Variants in TOX3 observed in about 807,000 individuals in gnomAD.
TOX3 encodes the protein CAG trinucleotide repeat-containing gene F9 protein.
In TOX3, 22 loss-of-function variants were observed where a neutral mutation model predicts 64.3. The ratio of observed to expected loss-of-function variants is 0.34; its 90% CI spans 0.24 to 0.49. TOX3 has a LOEUF of 0.49. TOX3 is among the 20% of genes least tolerant of loss of function. The pLI, the probability that TOX3 is intolerant of heterozygous loss-of-function variation, is 0.99. For missense variants in TOX3, 661 were observed against 714.4 expected (o/e 0.93, Z 0.85); for synonymous variants, 291 against 273.6 (o/e 1.06, Z -0.63).
chr16:52,448,367 T>A (rs1222081029), intron 4 of TOX3, among the ~76,000 whole-genome samples: 1 of 152,108 alleles, frequency 6.6e-6, no homozygotes, highest in Non-Finnish European at 1.5e-5. Flanking sequence ...TTCAGTATGG[T>A]ACAGTGGCAA....
chr16:52,544,176 G>A (rs903442644), intron 1 of TOX3, among the ~76,000 whole-genome samples: 3 of 152,126 alleles, frequency 2.0e-5, no homozygotes, highest in African/African-American at 4.8e-5. Flanking sequence ...TAAAATAAAT[G>A]CATGTCTTTA....
Position 52,546,990 on chromosome 16 carries a change from C to A in TOX3, c.-267G>T, listed in dbSNP as rs2151494856. The A allele has an allele frequency of 1.1e-5, 11 of 971,816 alleles. No individual in the cohort carries two copies. Among genetic ancestry groups the A allele is most frequent in the Middle Eastern group, 1.1e-3 (2 of 1,884 alleles). 60.2% of individuals were successfully genotyped at this position (971,816 alleles called of 1,614,324 possible). A position where few individuals can be genotyped will look rare whatever the true frequency, so the allele number is the denominator to read the frequency against. ...GCACCGAGGCAGCGCTGCGCGCGGG[C>A]CGGGCGCCGGGGGCGCGGGGCGCGG... On this transcript the variant is annotated 5_prime_UTR_variant, in exon 1 of 7. Coordinates refer to ENST00000219746, the MANE Select transcript of TOX3 (RefSeq NM_001080430.4).
At position 52,446,138 on chromosome 16, in the gene TOX3, C is replaced by T. The variant is rs558829344; in HGVS notation, c.762G>A (p.Glu254=). Residue 254 remains glutamate (E), a synonymous_variant, in exon 5 of 7, where the codon GAG becomes GAA. Coordinates refer to ENST00000219746, the MANE Select transcript of TOX3 (RefSeq NM_001080430.4). The part of the protein sequence containing the change: ...PKKKKKKDPN[E]PQKPVSAYAL... ...CATATGCTGACACTGGCTTCTGTGG[C>T]TCATTGGGATCTTTCTTTTTCTTTT... is the stretch of plus-strand genomic sequence containing the variant. 8.2e-5 allele frequency: 132 copies of T among 1,613,998 alleles called. 3 individuals carry two copies. In the South Asian group the frequency reaches 1.4e-3, roughly 17 times the overall value.
In TOX3 at chr16:52,438,382, C is replaced by A. The variant is rs1454812203; in HGVS notation, c.*843G>T. On this transcript the variant is annotated 3_prime_UTR_variant, in exon 7 of 7. Coordinates refer to ENST00000219746, the MANE Select transcript of TOX3 (RefSeq NM_001080430.4). ...CTGGTATTACATCATAATAAAAACT[C>A]TTGCTTTTTCTTTTTAAATCTTAAC... is the stretch of plus-strand genomic sequence containing the variant. The A allele has an allele frequency of 6.6e-6, 1 of 152,638 alleles. No homozygotes were observed. Among genetic ancestry groups the A allele is most frequent in the African/African-American group, 2.4e-5 (1 of 41,448 alleles). 9.5% of individuals were successfully genotyped at this position (152,638 alleles called of 1,614,324 possible). A position where few individuals can be genotyped will look rare whatever the true frequency, so the allele number is the denominator to read the frequency against.
chr16:52,529,338 A>G (rs1478387352), intron 1 of TOX3, among the ~76,000 whole-genome samples: 2 of 152,202 alleles, frequency 1.3e-5, no homozygotes, highest in Non-Finnish European at 2.9e-5. Flanking sequence ...TTAGTTTTAC[A>G]ATATTGACAT....
At chr16:52,443,493 T>C (rs1960067256) in intron 6 of TOX3, among the ~76,000 whole-genome samples, 1 of 152,178 alleles carries the variant, frequency 6.6e-6, no homozygotes, top group Non-Finnish European at 1.5e-5. Context: ...CCTTTTTAAA[T>C]GGCTTTGAGA....
rs1596877558 is a variant in TOX3 at position 52,546,921 on chromosome 16, C to T, written c.-198G>A. The T allele has an allele frequency of 1.9e-6, 2 of 1,062,736 alleles. No individual in the cohort carries two copies. Among genetic ancestry groups the T allele is most frequent in the Non-Finnish European group, 1.1e-6 (1 of 881,004 alleles). 65.8% of individuals were successfully genotyped at this position (1,062,736 alleles called of 1,614,324 possible). ...GCACACAAAGGCGCGGCCACGCGAG[C>T]CGCGGGAGAGCGGGAGGCGGCCGGG... On this transcript the variant is annotated 5_prime_UTR_variant, in exon 1 of 7. Coordinates refer to ENST00000219746, the MANE Select transcript of TOX3 (RefSeq NM_001080430.4).
chr16:52,494,028 C>G (rs1374415502), intron 1 of TOX3, among the ~76,000 whole-genome samples: 1 of 152,170 alleles, frequency 6.6e-6, no homozygotes, highest in African/African-American at 2.4e-5. Context: ...CCCTATAACC[C>G]TTTCACCCAC....
rs1003059860 is a variant in TOX3, at chr16:52,437,813, A to C, written c.*1412T>G. Among the ~76,000 whole-genome samples, 2 of 124,802 alleles carry C rather than the reference A, an allele frequency of 1.6e-5. No individual in the cohort carries two copies. The highest frequency in any genetic ancestry group is 3.4e-5 in the Non-Finnish European group (2 of 58,302). 81.9% of individuals were successfully genotyped at this position (124,802 alleles called of 152,430 possible). ...TTAAAAAAAAAAAAAAAAAAAAAAA[A>C]GACAATTACACAAATATTTCCAATG... On this transcript the variant is annotated 3_prime_UTR_variant, in exon 7 of 7. Coordinates refer to ENST00000219746, the MANE Select transcript of TOX3 (RefSeq NM_001080430.4).
intron 1 of TOX3, among the ~76,000 whole-genome samples, chr16:52,501,601 A>T (rs1348798698): frequency 6.6e-6 from 1 of 151,952 alleles, no homozygotes; most frequent in Non-Finnish European, 1.5e-5. Context: ...CGGAGGTTTC[A>T]GTGAGTCGAC....
intron 2 of TOX3, among the ~76,000 whole-genome samples, chr16:52,467,175 G>T (rs928602735): frequency 4.6e-5 from 7 of 152,126 alleles, no homozygotes; most frequent in African/African-American, 1.7e-4. Context: ...GTCTGACACG[G>T]TGAATTATCA....
At chr16:52,443,202 A>G (rs1187922123) in intron 6 of TOX3, among the ~76,000 whole-genome samples, 1 of 152,200 alleles carries the variant, frequency 6.6e-6, no homozygotes, top group Non-Finnish European at 1.5e-5. Flanking sequence ...CAGCCCACAC[A>G]GTCAGCTGTT....
chr16:52,492,564 A>AATATATATATATATATATATATATATAT (rs56848244), intron 1 of TOX3, among the ~76,000 whole-genome samples: 4 of 90,692 alleles, frequency 4.4e-5, no homozygotes, highest in Non-Finnish European at 6.2e-5. Context: ...GTTGTATATA[A>AATATATATATATATATATATATATATAT]ATATATATAT....
chr16:52,459,176 C>T (rs1027135727), intron 3 of TOX3, among the ~76,000 whole-genome samples: 1 of 152,056 alleles, frequency 6.6e-6, no homozygotes, highest in African/African-American at 2.4e-5. Flanking sequence ...ACTAGCTGGA[C>T]ATGGTGGCAC....
chr16:52,535,458 T>G (rs1962927111), intron 1 of TOX3, among the ~76,000 whole-genome samples: 1 of 152,206 alleles, frequency 6.6e-6, no homozygotes, highest in Non-Finnish European at 1.5e-5. Context: ...GGAGGTTGAC[T>G]AGAGGTCAAC....
At chr16:52,455,765 C>A (rs559145805) in intron 3 of TOX3, among the ~76,000 whole-genome samples, 2 of 152,080 alleles carry the variant, frequency 1.3e-5, no homozygotes, top group African/African-American at 4.8e-5. Flanking sequence ...TGTGCAAGGT[C>A]TGAAGTGGGA....
chr16:52,545,781 G>A lies in TOX3; in HGVS notation c.87+856C>T, dbSNP rs540633257. 3.3e-5 allele frequency among the ~76,000 whole-genome samples: 5 copies of A among 152,214 alleles called. No individual in the cohort carries two copies. The South Asian group carries it at 1.0e-3, about 32-fold the overall frequency. On this transcript the variant is annotated intron_variant, in intron 1 of 6. Coordinates refer to ENST00000219746, the MANE Select transcript of TOX3 (RefSeq NM_001080430.4). The stretch of plus-strand genomic sequence containing the variant: ...GACAGAGGACACCGGATGGTGGGGG[G>A]GAATTCCGCGCGGCCCGGGTACCAG...
chr16:52,504,867 C>T (rs1328087691), intron 1 of TOX3, among the ~76,000 whole-genome samples: 1 of 152,126 alleles, frequency 6.6e-6, no homozygotes, highest in South Asian at 2.1e-4. Context: ...TAGAGTCTTG[C>T]TCTGTTGCCC....
At chr16:52,453,333 A>C (rs1960414541) in intron 3 of TOX3, among the ~76,000 whole-genome samples, 1 of 151,830 alleles carries the variant, frequency 6.6e-6, no homozygotes, top group Non-Finnish European at 1.5e-5. Flanking sequence ...ACAGGCACGC[A>C]CCACCATACC....
Sources: allele counts gnomAD v4.1 joint callset (sites outside exome capture counted in the v4.1 genomes callset), GRCh38; gene constraint gnomAD v4.1.1; transcripts MANE v1.5; gene names NCBI Gene and HGNC (gene_info 2026-07-23, HGNC 2026-07-21).